AK5: variants seen among roughly 807,000 people sequenced by gnomAD.
AK5 encodes the protein adenylate kinase isoenzyme 5.
A neutral mutation model predicts 69.5 loss-of-function variants in AK5; 27 were observed. The ratio of observed to expected loss-of-function variants is 0.39; its 90% CI spans 0.29 to 0.54. The LOEUF (loss-of-function observed/expected upper bound fraction) is 0.54. Ranked by LOEUF, AK5 falls within the 20% of genes least tolerant of loss-of-function variation. The pLI is 0.71. For synonymous variants in AK5, 260 were observed against 244.4 expected (o/e 1.06, Z -0.60); for missense variants, 531 against 700.4 (o/e 0.76, Z 2.73).
At chr1:77,504,320 A>T (rs893386417) in intron 10 of AK5, among the ~76,000 whole-genome samples, 1 of 152,170 alleles carries the variant, frequency 6.6e-6, no homozygotes, top group Non-Finnish European at 1.5e-5. Context: ...AAAATAATAC[A>T]TCTTCATTCT....
At chr1:77,296,904 A>G (rs966406018) in intron 3 of AK5, among the ~76,000 whole-genome samples, 1 of 152,156 alleles carries the variant, frequency 6.6e-6, no homozygotes, top group African/African-American at 2.4e-5. Flanking sequence ...TGCTTTTTAC[A>G]CAGTGTGTGT....
chr1:77,526,458 T>TA (rs1220547493), intron 12 of AK5, among the ~76,000 whole-genome samples: 1 of 133,014 alleles, frequency 7.5e-6, no homozygotes, highest in African/African-American at 2.8e-5. Flanking sequence ...GCGATGGGAA[T>TA]AAAAGTCTTT....
intron 12 of AK5, 72 bp from the exon 13 acceptor site, chr1:77,535,774 GA>G: frequency 7.1e-7 from 1 of 1,401,094 alleles, no homozygotes; most frequent in South Asian, 1.4e-5. Flanking sequence ...GGAAAAACCA[GA>G]GGCCCTGGGC....
At chr1:77,445,367 C>A (rs1652683112) in intron 8 of AK5, among the ~76,000 whole-genome samples, 1 of 151,994 alleles carries the variant, frequency 6.6e-6, no homozygotes, top group Non-Finnish European at 1.5e-5. Flanking sequence ...TTTGCATTTT[C>A]CTCATTATTA....
chr1:77,328,725 A>G (rs1660935948), intron 5 of AK5, among the ~76,000 whole-genome samples: 2 of 152,240 alleles, frequency 1.3e-5, no homozygotes, highest in South Asian at 4.1e-4. Flanking sequence ...AGGACAGAGT[A>G]ACTTAGTAAC....
At chr1:77,546,128 CGT>C (rs1431685273) in intron 13 of AK5, among the ~76,000 whole-genome samples, 1 of 152,124 alleles carries the variant, frequency 6.6e-6, no homozygotes, top group Non-Finnish European at 1.5e-5. Context: ...GTGCTTGCTG[CGT>C]GTGTGTCTCC....
intron 6 of AK5, among the ~76,000 whole-genome samples, chr1:77,350,031 T>A (rs560720394): frequency 1.7e-4 from 26 of 152,336 alleles, no homozygotes; most frequent in Non-Finnish European, 3.7e-4. Context: ...TCTGTTGACA[T>A]GCCTGATCAT....
chr1:77,318,895 G>T (rs942719991), intron 5 of AK5, among the ~76,000 whole-genome samples: 3 of 152,058 alleles, frequency 2.0e-5, no homozygotes, highest in Admixed American at 2.0e-4. Context: ...TCATCATATT[G>T]CTGTGTCAGG....
At chr1:77,366,105 A>C (rs1646945609) in intron 6 of AK5, among the ~76,000 whole-genome samples, 1 of 152,190 alleles carries the variant, frequency 6.6e-6, no homozygotes, top group South Asian at 2.1e-4. Context: ...CATAATAATA[A>C]TTATAGCTAC....
intron 5 of AK5, among the ~76,000 whole-genome samples, chr1:77,330,970 T>C (rs1661057795): frequency 6.6e-6 from 1 of 152,180 alleles, no homozygotes; most frequent in Admixed American, 6.5e-5. Context: ...AATATTTTTA[T>C]TTCCATTTTA....
intron 13 of AK5, among the ~76,000 whole-genome samples, chr1:77,545,895 T>C (rs1659521606): frequency 6.6e-6 from 1 of 152,166 alleles, no homozygotes; most frequent in Non-Finnish European, 1.5e-5. Context: ...GAGAGTGACT[T>C]AGAGGAACCC....
chr1:77,475,369 A>T (rs11577058), intron 8 of AK5, among the ~76,000 whole-genome samples: 1 of 111,766 alleles, frequency 8.9e-6, no homozygotes, highest in African/African-American at 3.7e-5. Flanking sequence ...ATATATATAC[A>T]AATATATATT....
At chr1:77,464,629 A>G (rs1035815033) in intron 8 of AK5, among the ~76,000 whole-genome samples, 2 of 152,210 alleles carry the variant, frequency 1.3e-5, no homozygotes, top group Non-Finnish European at 2.9e-5. Context: ...GTCTGGGCTC[A>G]TCAGTGGCAA....
intron 6 of AK5, among the ~76,000 whole-genome samples, chr1:77,342,033 G>A (rs903880547): frequency 6.6e-6 from 1 of 152,024 alleles, no homozygotes; most frequent in Non-Finnish European, 1.5e-5. Flanking sequence ...CAAGTAGCTG[G>A]GATTACAGGT....
At chr1:77,509,205 G>A (rs939958825) in intron 10 of AK5, among the ~76,000 whole-genome samples, 5 of 145,136 alleles carry the variant, frequency 3.4e-5, no homozygotes, top group Non-Finnish European at 6.2e-5. Flanking sequence ...GATAAATAAG[G>A]CATGGTTTCT....
intron 6 of AK5, among the ~76,000 whole-genome samples, chr1:77,391,393 AT>A (rs1557553825): frequency 2.3e-5 from 3 of 130,576 alleles, no homozygotes; most frequent in African/African-American, 9.4e-5. Flanking sequence ...AAAAAAAAAT[AT>A]ATATATATAT....
At chr1:77,510,639 C>G (rs1488060738) in intron 10 of AK5, among the ~76,000 whole-genome samples, 1 of 151,904 alleles carries the variant, frequency 6.6e-6, no homozygotes, top group Non-Finnish European at 1.5e-5. Context: ...AGAAAAGATG[C>G]CAACCGAGAG....
intron 6 of AK5, among the ~76,000 whole-genome samples, chr1:77,407,350 A>G (rs1291611943): frequency 6.6e-6 from 1 of 152,218 alleles, no homozygotes; most frequent in Non-Finnish European, 1.5e-5. Context: ...GGATATAACA[A>G]CATTGATGAA....
chr1:77,426,764 A>C (rs1651236704), intron 8 of AK5, among the ~76,000 whole-genome samples: 1 of 152,212 alleles, frequency 6.6e-6, no homozygotes, highest in Non-Finnish European at 1.5e-5. Context: ...ACAAGTTTAA[A>C]AGAATATAAA....
Sources: allele counts gnomAD v4.1 joint callset (sites outside exome capture counted in the v4.1 genomes callset), GRCh38; gene constraint gnomAD v4.1.1; transcripts MANE v1.5; gene names NCBI Gene and HGNC (gene_info 2026-07-23, HGNC 2026-07-21).